Variants in MPZL3 observed in about 807,000 individuals in gnomAD.
The protein encoded by MPZL3 is myelin protein zero-like protein 3.
MPZL3 carries 23 observed loss-of-function variants against 24.8 expected under a neutral mutation model. That is an observed-to-expected ratio of 0.93 (90% CI 0.67 to 1.31). MPZL3 has a LOEUF of 1.31. Among genes scored for constraint, MPZL3 ranks in the 40% most tolerant of loss-of-function variants. The pLI is 0.00. For missense variants in MPZL3, 277 were observed against 294.9 expected (o/e 0.94, Z 0.44); for synonymous variants, 99 against 106.5 (o/e 0.93, Z 0.44).
At position 118,229,828 on chromosome 11, in the gene MPZL3, T is replaced by TAAA; in HGVS notation, c.*65_*66insTTT. 6.5e-7 allele frequency: 1 copy of TAAA among 1,547,102 alleles called. No individual in the cohort carries two copies. ...CAGCTCCACTTTCTCTGACAGGCTT[T>TAAA]AGCTGCCAGTGGAATGGGATGTTTC... On this transcript the variant is annotated 3_prime_UTR_variant, in exon 6 of 6. Coordinates refer to ENST00000278949, the MANE Select transcript of MPZL3 (RefSeq NM_198275.3).
chr11:118,233,454 A>G lies in MPZL3; in HGVS notation c.681+6T>C. The G allele has an allele frequency of 6.2e-7, 1 of 1,613,784 alleles. No individual in the cohort carries two copies. Among genetic ancestry groups the G allele is most frequent in the East Asian group, 2.2e-5 (1 of 44,878 alleles). On this transcript the variant is annotated splice_donor_region_variant and intron_variant, in intron 5 of 5. Transcript: ENST00000278949. ...ACAGTAAGCAGAAGGAATGGCATGC[A>G]CTTACCAGGCACTCAGCGCAACGGA...
At chr11:118,238,136 CAA>C (rs61300443) in intron 2 of MPZL3, among the ~76,000 whole-genome samples, 1 of 147,544 alleles carries the variant, frequency 6.8e-6, no homozygotes, top group African/African-American at 2.5e-5. Context: ...GACTCCGCCT[CAA>C]AAAAAAAAGA....
intron 1 of MPZL3, among the ~76,000 whole-genome samples, chr11:118,244,973 G>A (rs1949541609): frequency 6.6e-6 from 1 of 152,048 alleles, no homozygotes; most frequent in African/African-American, 2.4e-5. Flanking sequence ...CTACTCAGGA[G>A]GCTGAGGCAG....
intron 4 of MPZL3, among the ~76,000 whole-genome samples, chr11:118,234,742 TACACAC>T (rs1029838253): frequency 9.0e-5 from 10 of 111,618 alleles, no homozygotes; most frequent in African/African-American, 2.4e-4. Context: ...CACACACACA[TACACAC>T]ACACACACAG....
In MPZL3 at chr11:118,237,279, G is replaced by C. The variant is rs758088218; in HGVS notation, c.241-19C>G. On this transcript the variant is annotated intron_variant, in intron 2 of 5. Transcript: ENST00000278949. ...GAAATATCTAAGAAAGCAACACCAT[G>C]AGAGAAAAGGTTAACTTGGAAAATG... The C allele has an allele frequency of 5.6e-6, 9 of 1,604,020 alleles. No individual in the cohort carries two copies. The Admixed American group carries it at 1.5e-4, about 27-fold the overall frequency.
At chr11:118,241,936 C>G (rs1046136015) in intron 1 of MPZL3, among the ~76,000 whole-genome samples, 1 of 152,214 alleles carries the variant, frequency 6.6e-6, no homozygotes, top group African/African-American at 2.4e-5. Flanking sequence ...TTTGCAAATG[C>G]TGTCCCTCTG....
At chr11:118,248,412 TTC>T (rs1307019925) in intron 1 of MPZL3, among the ~76,000 whole-genome samples, 2 of 152,184 alleles carry the variant, frequency 1.3e-5, no homozygotes, top group South Asian at 2.1e-4. Context: ...CTAAACCAAA[TTC>T]TGTTTGCTAA....
chr11:118,241,087 C>G (rs190950056), intron 1 of MPZL3, among the ~76,000 whole-genome samples: 4 of 152,204 alleles, frequency 2.6e-5, no homozygotes, highest in Non-Finnish European at 4.4e-5. Flanking sequence ...TAGAGACTTA[C>G]GTCTTCCAAA....
chr11:118,244,147 T>C (rs181375334), intron 1 of MPZL3, among the ~76,000 whole-genome samples: 1 of 152,358 alleles, frequency 6.6e-6, no homozygotes, highest in African/African-American at 2.4e-5. Context: ...CTTTGCTCCT[T>C]GAACTTCTCT....
chr11:118,237,875 G>A (rs1389152436), intron 2 of MPZL3, among the ~76,000 whole-genome samples: 1 of 152,118 alleles, frequency 6.6e-6, no homozygotes. Context: ...GGTGGCTCAC[G>A]CCTGTAATCC....
At chr11:118,248,030 T>C (rs1053685357) in intron 1 of MPZL3, among the ~76,000 whole-genome samples, 4 of 151,310 alleles carry the variant, frequency 2.6e-5, no homozygotes, top group Non-Finnish European at 4.4e-5. Flanking sequence ...ATGTTTAGTA[T>C]AGTAATATTT....
intron 1 of MPZL3, among the ~76,000 whole-genome samples, chr11:118,244,739 G>C (rs904437596): frequency 6.6e-6 from 1 of 152,208 alleles, no homozygotes; most frequent in Non-Finnish European, 1.5e-5. Context: ...GTACTTAACT[G>C]TGGGACTGGG....
chr11:118,245,165 G>A (rs1970751), intron 1 of MPZL3, among the ~76,000 whole-genome samples: 95,272 of 151,458 alleles, frequency 0.63, 31,373 homozygotes, highest in South Asian at 0.81. Context: ...TTGGCAGGCA[G>A]AGGTGGGTGG....
At chr11:118,252,139 A>C (rs1019083170) in intron 1 of MPZL3, 83 bp downstream of exon 1, 1 of 1,407,788 alleles carries the variant, frequency 7.1e-7, no homozygotes, top group African/African-American at 1.4e-5. Flanking sequence ...CTTTCTGGAG[A>C]CCCCCCTACC....
chr11:118,251,405 A>C (rs1361768291), intron 1 of MPZL3, among the ~76,000 whole-genome samples: 2 of 152,046 alleles, frequency 1.3e-5, no homozygotes, highest in Admixed American at 1.3e-4. Flanking sequence ...AAATTTTATA[A>C]ATTTAGCAAT....
At chr11:118,229,975 C>A (rs890126977) in intron 5 of MPZL3, 55 bp from the exon 6 acceptor site, 219 of 1,535,302 alleles carry the variant, frequency 1.4e-4, no homozygotes, top group Non-Finnish European at 1.9e-4. Context: ...GGAATTTAGG[C>A]AAAGACCACA....
chr11:118,240,848 T>C (rs1443852108), intron 1 of MPZL3, among the ~76,000 whole-genome samples: 3 of 151,904 alleles, frequency 2.0e-5, no homozygotes, highest in Non-Finnish European at 4.4e-5. Context: ...GGTTGCATCA[T>C]GAAGCTACCA....
intron 1 of MPZL3, among the ~76,000 whole-genome samples, chr11:118,246,381 C>T (rs985816772): frequency 6.6e-6 from 1 of 151,838 alleles, no homozygotes; most frequent in Non-Finnish European, 1.5e-5. Context: ...ATGCGGTAAA[C>T]ATTTGTTTGT....
chr11:118,248,407 C>A lies in MPZL3; in HGVS notation c.73+3815G>T, dbSNP rs374636139. Among the ~76,000 whole-genome samples, 58 of 152,220 alleles carry A rather than the reference C, an allele frequency of 3.8e-4. No homozygotes were observed. The East Asian group carries it at 6.4e-3, about 17-fold the overall frequency. ...ATTATAGTAAATTTTGGTTACTAAA[C>A]CAAATTCTGTTTGCTAAATTATAGT... On this transcript the variant is annotated intron_variant, in intron 1 of 5. Transcript: ENST00000278949.
Sources: allele counts gnomAD v4.1 joint callset (sites outside exome capture counted in the v4.1 genomes callset), GRCh38; gene constraint gnomAD v4.1.1; transcripts MANE v1.5; gene names NCBI Gene and HGNC (gene_info 2026-07-23, HGNC 2026-07-21).